The following SNED1 variants were observed in gnomAD, a reference collection of about 807,000 sequenced individuals.
The protein encoded by SNED1 is sushi, nidogen and EGF-like domain-containing protein 1.
SNED1 carries 81 observed loss-of-function variants against 166.7 expected under a neutral mutation model. The observed-to-expected ratio is 0.49, with a 90% confidence interval of 0.41 to 0.58. The LOEUF is 0.58. SNED1 is among the 20% of genes least tolerant of loss of function. The probability of loss-of-function intolerance (pLI) is 0.00; values close to 1 mark genes in which losing one functional copy is unlikely to be tolerated. For missense variants in SNED1, 1,604 were observed against 2,000.2 expected, an observed-to-expected ratio of 0.80 and a Z score of 3.78; for synonymous variants, 762 against 822.0, an observed-to-expected ratio of 0.93 and a Z score of 1.25.
rs1231506019 is a variant in SNED1, at chr2:241,044,706, CTT to C, written c.1274-3608_1274-3607del. On this transcript the variant is annotated intron_variant, in intron 8 of 31. Coordinates refer to ENST00000310397, the MANE Select transcript of SNED1 (RefSeq NM_001080437.3). ...AGAAGTTGGGGAATCCTCAAGTGCC[CTT>C]AAACTGCGAAGGAAGAAACCTTCCT... Among the ~76,000 whole-genome samples the C allele has an allele frequency of 6.5e-4, 99 of 152,296 alleles. 1 individual carries two copies. Among genetic ancestry groups the C allele is most frequent in the African/African-American group, 2.2e-3 (92 of 41,564 alleles).
intron 8 of SNED1, among the ~76,000 whole-genome samples, chr2:241,043,382 A>G (rs1376404932): frequency 1.3e-5 from 2 of 152,350 alleles, no homozygotes; most frequent in East Asian, 3.9e-4. Flanking sequence ...AGAAAAAACC[A>G]TCAACCTAGT....
In SNED1 at chr2:241,092,117, G is replaced by C. The variant is rs897960974; in HGVS notation, c.*481G>C. On this transcript the variant is annotated 3_prime_UTR_variant, in exon 32 of 32. Transcript: ENST00000310397. This position sits in a 1 kb window ranked among gnomAD's most constrained non-coding sequence, Gnocchi z 4.6. ...CAAAACAGAGACGGGGGCAGGGGCT[G>C]AAGGGCAGAGACCAGGTGATGTCAG... 1 of 152,340 alleles carries C rather than the reference G, an allele frequency of 6.6e-6. No homozygotes were observed. The highest frequency in any genetic ancestry group is 2.4e-5 in the African/African-American group (1 of 41,458). 9.4% of individuals were successfully genotyped at this position (152,340 alleles called of 1,614,324 possible).
rs2059991770 is a variant in SNED1, at chr2:240,998,812, C to A, written c.-26C>A. 1.3e-5 allele frequency: 15 copies of A among 1,150,202 alleles called. No homozygotes were observed. The highest frequency in any genetic ancestry group is 1.6e-5 in the Non-Finnish European group (15 of 933,296). The allele number at this position is 1,150,202 out of a possible 1,614,324, so 71.2% of individuals were successfully genotyped here. On this transcript the variant is annotated 5_prime_UTR_variant, in exon 1 of 32. Transcript: ENST00000310397. The stretch of plus-strand genomic sequence containing the variant: ...CCCCCAGCGCCCTGCTCCGCCAGCG[C>A]CCCGTCCCGCCCGCACACCTCCGCG...
chr2:241,043,783 C>T (rs775416179), intron 8 of SNED1, among the ~76,000 whole-genome samples: 5 of 152,216 alleles, frequency 3.3e-5, no homozygotes, highest in Non-Finnish European at 7.3e-5. Flanking sequence ...CACAACTCAA[C>T]TCTACCATTG....
rs1303372078 is a variant in SNED1 at position 241,046,859 on chromosome 2, A to G, written c.1274-1456A>G. Among the ~76,000 whole-genome samples the G allele has an allele frequency of 1.3e-5, 2 of 152,194 alleles. 1 individual carries two copies. Among genetic ancestry groups the G allele is most frequent in the East Asian group, 3.8e-4 (2 of 5,196 alleles). ...AAACTGAACATCTTTTAAAAACCAA[A>G]AAGTAGCTGGCGTGGTGGCTCACCC... is the stretch of plus-strand genomic sequence containing the variant. On this transcript the variant is annotated intron_variant, in intron 8 of 31. Transcript: ENST00000310397.
chr2:241,050,366 C>G (rs1344733356), intron 12 of SNED1, among the ~76,000 whole-genome samples: 1 of 152,206 alleles, frequency 6.6e-6, no homozygotes, highest in Admixed American at 6.5e-5. Context: ...CGCCAGGCCC[C>G]ACCCAGGACT....
rs1173342459 is a variant in SNED1, at chr2:241,091,531, T to TA, written c.*2-107_*2-106insA. The TA allele has an allele frequency of 6.6e-6, 1 of 151,684 alleles. No individual in the cohort carries two copies. The highest frequency in any genetic ancestry group is 2.4e-5 in the African/African-American group (1 of 41,178). 9.4% of individuals were successfully genotyped at this position (151,684 alleles called of 1,614,324 possible). On this transcript the variant is annotated intron_variant, in intron 31 of 31. Transcript: ENST00000310397. The surrounding 1 kb of genome is among the most constrained non-coding windows in gnomAD (Gnocchi z 4.1). The stretch of plus-strand genomic sequence containing the variant: ...CTCTAAGAACGTGGGGTCCTCTGGG[T>TA]GACAGAGGCCCTGAGGGCCACTAAG...
At chr2:241,060,821 C>T (rs2062207839) in intron 16 of SNED1, among the ~76,000 whole-genome samples, 1 of 152,048 alleles carries the variant, frequency 6.6e-6, no homozygotes, top group Admixed American at 6.6e-5. Context: ...GTCCCAGCTA[C>T]TCAGGAGGCT....
chr2:241,029,093 C>G (rs905712017), intron 1 of SNED1, among the ~76,000 whole-genome samples: 2 of 152,198 alleles, frequency 1.3e-5, no homozygotes, highest in African/African-American at 4.8e-5. Flanking sequence ...AGGGTCTTTT[C>G]TAAAAGCATG....
At chr2:241,055,244 A>G (rs2062009006) in intron 16 of SNED1, among the ~76,000 whole-genome samples, 2 of 152,246 alleles carry the variant, frequency 1.3e-5, no homozygotes, top group African/African-American at 2.4e-5. Context: ...TTAAATTCCC[A>G]GAGTTCCAGA....
At chr2:241,041,123 A>T in intron 8 of SNED1, 1 of 318,596 alleles carries the variant, frequency 3.1e-6, no homozygotes, top group Non-Finnish European at 6.0e-6. Context: ...ACAGAGGGTC[A>T]TGGGCCCTCC....
chr2:241,028,366 T>C (rs1031558685), intron 1 of SNED1, among the ~76,000 whole-genome samples: 2 of 152,198 alleles, frequency 1.3e-5, no homozygotes, highest in African/African-American at 4.8e-5. Flanking sequence ...CATTTCCAAA[T>C]CCAGCGTCAT....
chr2:241,031,707 C>T (rs781511627), intron 2 of SNED1, among the ~76,000 whole-genome samples: 31 of 152,266 alleles, frequency 2.0e-4, no homozygotes, highest in Non-Finnish European at 3.7e-4. Flanking sequence ...GTCCCCTAGA[C>T]GGTGCCACCA....
chr2:241,025,213 C>A (rs978093768), intron 1 of SNED1, among the ~76,000 whole-genome samples: 1 of 152,104 alleles, frequency 6.6e-6, no homozygotes, highest in Non-Finnish European at 1.5e-5. Flanking sequence ...ACTATGCATG[C>A]GAGGGATCTA....
chr2:241,049,888 A>T lies in SNED1; in HGVS notation c.1690A>T (p.Thr564Ser), dbSNP rs1262396212. ...CTGCGATGCCCATGACGACTCCTAC[A>T]CCTGCGAGTGCCCGCGCGGGTTCCA... ...GSCDAHDDSY[T>S]CECPRGFHGK... Residue 564 changes from threonine (T) to serine (S), a missense_variant, in exon 12 of 32, where the codon ACC becomes TCC. This residue lies in a region of SNED1 where 1,237 missense variants were observed against 1,620.8 expected (regional missense o/e 0.76). Transcript: ENST00000310397. 6.2e-7 allele frequency: 1 copy of T among 1,613,674 alleles called. No individual in the cohort carries two copies. The highest frequency in any genetic ancestry group is 8.5e-7 in the Non-Finnish European group (1 of 1,179,770).
In SNED1 at chr2:241,068,319, CA is replaced by C. The variant is rs1469020350; in HGVS notation, c.3194+373del. ...GCCCCGAGCTCTCCCAGGAGTCCCA[CA>C]GTGGACCCCTCAGAGAGCAGCGGCC... On this transcript the variant is annotated intron_variant, in intron 22 of 31. Coordinates refer to ENST00000310397, the MANE Select transcript of SNED1 (RefSeq NM_001080437.3). This position sits in a 1 kb window ranked among gnomAD's most constrained non-coding sequence, Gnocchi z 5.3. 7.0e-6 allele frequency among the ~76,000 whole-genome samples: 1 copy of C among 141,944 alleles called. No individual in the cohort carries two copies. Among genetic ancestry groups the C allele is most frequent in the Admixed American group, 6.7e-5 (1 of 14,854 alleles). 93.1% of individuals were successfully genotyped at this position (141,944 alleles called of 152,430 possible).
At chr2:241,063,898 C>G in intron 18 of SNED1, 114 bp from the exon 19 acceptor site, 4 of 862,882 alleles carry the variant, frequency 4.6e-6, no homozygotes, top group Non-Finnish European at 7.3e-6. Flanking sequence ...CCCACTGCCC[C>G]TCTCTCCTGG....
chr2:241,001,535 T>C (rs2060077107), intron 1 of SNED1, among the ~76,000 whole-genome samples: 1 of 152,246 alleles, frequency 6.6e-6, no homozygotes, highest in Non-Finnish European at 1.5e-5. Flanking sequence ...ACAAAGATAA[T>C]GCAGCCGAGG....
At chr2:241,050,548 C>A (rs889166378) in intron 12 of SNED1, among the ~76,000 whole-genome samples, 1 of 152,178 alleles carries the variant, frequency 6.6e-6, no homozygotes, top group Non-Finnish European at 1.5e-5. Context: ...TGGTGTGGAG[C>A]CTTCCACGGC....
Sources: allele counts gnomAD v4.1 joint callset (sites outside exome capture counted in the v4.1 genomes callset), GRCh38; gene constraint gnomAD v4.1.1; regional missense constraint gnomAD v4.1.1; non-coding constraint Gnocchi (gnomAD v3.1); transcripts MANE v1.5; gene names NCBI Gene and HGNC (gene_info 2026-07-23, HGNC 2026-07-21).